The following NRXN1 variants were observed in gnomAD, a reference collection of about 807,000 sequenced individuals.
NRXN1 encodes the protein neurexin-1.
Under a neutral mutation model 150.9 loss-of-function variants are expected in NRXN1, and 39 were observed. The observed-to-expected ratio is 0.26, with a 90% confidence interval of 0.20 to 0.34. NRXN1 has a LOEUF of 0.34. Ranked by LOEUF, NRXN1 falls within the 10% of genes least tolerant of loss-of-function variation. NRXN1 has a pLI of 1.00. For synonymous variants in NRXN1, 924 were observed against 757.0 expected (o/e 1.22, Z -3.62); for missense variants, 1,815 against 1,949.9 (o/e 0.93, Z 1.30).
At chr2:50,421,271 C>G (rs547630324) in intron 17 of NRXN1, among the ~76,000 whole-genome samples, 17 of 151,836 alleles carry the variant, frequency 1.1e-4, no homozygotes, top group African/African-American at 4.1e-4. Context: ...CAGCGATTTT[C>G]AATTTCAAAA....
chr2:50,915,275 G>A (rs930027400), intron 5 of NRXN1, among the ~76,000 whole-genome samples: 1 of 151,560 alleles, frequency 6.6e-6, no homozygotes. Context: ...GGTGTCAGCA[G>A]TCTCAACTAT....
chr2:50,050,159 CTTT>C (rs35146990), intron 21 of NRXN1, among the ~76,000 whole-genome samples: 4 of 141,680 alleles, frequency 2.8e-5, no homozygotes, highest in Non-Finnish European at 6.2e-5. Context: ...AGCAAAACTT[CTTT>C]TTTTTTTTTT....
chr2:50,260,629 GTTTTTTTTT>G (rs10601394), intron 17 of NRXN1, among the ~76,000 whole-genome samples: 2 of 113,068 alleles, frequency 1.8e-5, no homozygotes, highest in African/African-American at 6.6e-5. Flanking sequence ...TTTTTTTTCC[GTTTTTTTTT>G]TTTTTTTTTT....
intron 19 of NRXN1, among the ~76,000 whole-genome samples, chr2:50,073,864 C>T (rs1026170748): frequency 6.6e-6 from 1 of 152,006 alleles, no homozygotes; most frequent in Non-Finnish European, 1.5e-5. Flanking sequence ...GATATTTTAT[C>T]GAGAAAGAAG....
At chr2:49,927,984 A>G (rs150608388) in intron 22 of NRXN1, among the ~76,000 whole-genome samples, 245 of 152,294 alleles carry the variant, frequency 1.6e-3, no homozygotes, top group African/African-American at 5.6e-3. Context: ...TATGTCGTCA[A>G]CTATGAACCT....
chr2:50,817,002 G>A (rs989103081), intron 5 of NRXN1, among the ~76,000 whole-genome samples: 1 of 151,920 alleles, frequency 6.6e-6, no homozygotes, highest in African/African-American at 2.4e-5. Flanking sequence ...ATTACACAGG[G>A]CTCTCGGAGA....
At chr2:50,112,847 T>C (rs1454216507) in intron 18 of NRXN1, among the ~76,000 whole-genome samples, 1 of 152,016 alleles carries the variant, frequency 6.6e-6, no homozygotes, top group Non-Finnish European at 1.5e-5. Flanking sequence ...ATAAATATAA[T>C]CTATTAATAT....
At chr2:49,974,855 C>A (rs1056218675) in intron 21 of NRXN1, among the ~76,000 whole-genome samples, 10 of 151,172 alleles carry the variant, frequency 6.6e-5, no homozygotes, top group Non-Finnish European at 1.5e-4. Flanking sequence ...AAACAAGCAC[C>A]AAAAGATGCA....
chr2:50,587,181 C>T (rs1169247192), intron 8 of NRXN1, among the ~76,000 whole-genome samples: 2 of 152,294 alleles, frequency 1.3e-5, no homozygotes, highest in African/African-American at 4.8e-5. Flanking sequence ...ATTGGTGAAG[C>T]GAGCATAAGA....
chr2:50,428,279 G>A (rs1312028310), intron 17 of NRXN1, among the ~76,000 whole-genome samples: 1 of 152,140 alleles, frequency 6.6e-6, no homozygotes, highest in Non-Finnish European at 1.5e-5. Flanking sequence ...GCTGGGCATA[G>A]TGGCACACAC....
At chr2:50,931,679 A>C (rs1030968563) in intron 2 of NRXN1, among the ~76,000 whole-genome samples, 3 of 152,064 alleles carry the variant, frequency 2.0e-5, no homozygotes, top group African/African-American at 7.2e-5. Flanking sequence ...CAGAGCTCTT[A>C]GTTTTTCATT....
At position 49,937,388 on chromosome 2, in the gene NRXN1, T is replaced by C. The variant is rs74623206; in HGVS notation, c.4216+6316A>G. Among the ~76,000 whole-genome samples the C allele has an allele frequency of 5.3e-3, 806 of 152,308 alleles. 6 individuals carry two copies. The highest frequency in any genetic ancestry group is 0.018 in the African/African-American group (748 of 41,570). On this transcript the variant is annotated intron_variant, in intron 22 of 22. Coordinates refer to ENST00000401669, the MANE Select transcript of NRXN1 (RefSeq NM_001330078.2). ...CTTGACTAAATCTTCCTTGCCTGTT[T>C]AACTTTGTTCAATATAATTTTTATT...
At chr2:50,017,558 C>A (rs1686855094) in intron 21 of NRXN1, among the ~76,000 whole-genome samples, 1 of 152,066 alleles carries the variant, frequency 6.6e-6, no homozygotes, top group Non-Finnish European at 1.5e-5. Context: ...AACCATCACC[C>A]CAGGGTATCC....
intron 21 of NRXN1, chr2:49,970,562 C>T (rs1420069731): frequency 1.3e-5 from 2 of 152,050 alleles, no homozygotes; most frequent in East Asian, 1.9e-4. Context: ...TCCTTAGCTC[C>T]ATTCTCTATG....
At chr2:50,780,095 G>C (rs561835407) in intron 5 of NRXN1, among the ~76,000 whole-genome samples, 18 of 152,234 alleles carry the variant, frequency 1.2e-4, no homozygotes, top group African/African-American at 4.3e-4. Context: ...TTGTGGTTTT[G>C]ATTTGTATTT....
intron 8 of NRXN1, among the ~76,000 whole-genome samples, chr2:50,607,284 C>T (rs1677285401): frequency 6.6e-6 from 1 of 152,098 alleles, no homozygotes; most frequent in Non-Finnish European, 1.5e-5. Context: ...GATGTTTCTA[C>T]TTGTGTCAGT....
At chr2:50,665,274 T>C (rs1380252954) in intron 5 of NRXN1, among the ~76,000 whole-genome samples, 1 of 151,958 alleles carries the variant, frequency 6.6e-6, no homozygotes, top group Non-Finnish European at 1.5e-5. Flanking sequence ...AAGGGTGCCC[T>C]CTCATACCTT....
chr2:50,505,544 A>G (rs2092177766), intron 13 of NRXN1, among the ~76,000 whole-genome samples: 1 of 152,210 alleles, frequency 6.6e-6, no homozygotes, highest in African/African-American at 2.4e-5. Flanking sequence ...CTGATCTAAG[A>G]AACAATTCAT....
At chr2:50,830,438 C>A (rs1012979349) in intron 5 of NRXN1, among the ~76,000 whole-genome samples, 3 of 151,346 alleles carry the variant, frequency 2.0e-5, no homozygotes, top group South Asian at 4.2e-4. Context: ...CTATTCAACA[C>A]TAAGCTAATT....
Sources: allele counts gnomAD v4.1 joint callset (sites outside exome capture counted in the v4.1 genomes callset), GRCh38; gene constraint gnomAD v4.1.1; transcripts MANE v1.5; gene names NCBI Gene and HGNC (gene_info 2026-07-23, HGNC 2026-07-21).